Variants in PRKN observed in about 807,000 individuals in gnomAD.
PRKN encodes the protein E3 ubiquitin-protein ligase parkin.
PRKN carries 56 observed loss-of-function variants against 59.5 expected under a neutral mutation model. That is an observed-to-expected ratio of 0.94 (90% confidence interval 0.76 to 1.18). The LOEUF (loss-of-function observed/expected upper bound fraction) is 1.18, where lower values mean the gene tolerates loss of function less well. PRKN is among the 50% of genes most tolerant of loss of function. The pLI is 0.00. For missense variants in PRKN, 657 were observed against 596.4 expected (o/e 1.10, Z -1.06); for synonymous variants, 250 against 222.1 (o/e 1.13, Z -1.12).
At chr6:162,176,673 T>C (rs1007519782) in intron 4 of PRKN, among the ~76,000 whole-genome samples, 2 of 152,196 alleles carry the variant, frequency 1.3e-5, no homozygotes, top group African/African-American at 2.4e-5. Flanking sequence ...GGTGACTACA[T>C]GAAAATATTT....
intron 7 of PRKN, among the ~76,000 whole-genome samples, chr6:161,679,371 G>T (rs1785213479): frequency 6.6e-6 from 1 of 152,090 alleles, no homozygotes; most frequent in Admixed American, 6.5e-5. Context: ...GTCTGCTTCA[G>T]GCCACTGAGC....
intron 1 of PRKN, among the ~76,000 whole-genome samples, chr6:162,652,494 C>A (rs1362881556): frequency 2.0e-5 from 3 of 151,888 alleles, no homozygotes; most frequent in Admixed American, 1.3e-4. Context: ...TATTTTAAGA[C>A]CAATAGTATC....
At chr6:162,396,054 A>C (rs1787460109) in intron 2 of PRKN, among the ~76,000 whole-genome samples, 1 of 152,200 alleles carries the variant, frequency 6.6e-6, no homozygotes, top group Non-Finnish European at 1.5e-5. Flanking sequence ...AGACAAAGCG[A>C]ATCGAATCAT....
intron 7 of PRKN, among the ~76,000 whole-genome samples, chr6:161,644,941 A>G (rs1025916862): frequency 5.9e-5 from 9 of 152,260 alleles, no homozygotes; most frequent in African/African-American, 2.2e-4. Flanking sequence ...GACTGGAAGC[A>G]GAAGTAGGGG....
In PRKN at chr6:161,752,599, G is replaced by A. The variant is rs144510017; in HGVS notation, c.871+33173C>T. ...TCCCAGATACTCAGGAGGCTGAGGTGGGAGGACTGCTCAAGCCTGGAAGGT... is the reference window on the plus strand; with the variant it reads ...TCCCAGATACTCAGGAGGCTGAGGTAGGAGGACTGCTCAAGCCTGGAAGGT... On this transcript the variant is annotated intron_variant, in intron 7 of 11. Transcript: ENST00000366898. Among the ~76,000 whole-genome samples, 180 of 152,256 alleles carry A rather than the reference G, an allele frequency of 1.2e-3. 1 individual carries two copies. Among genetic ancestry groups the A allele is most frequent in the African/African-American group, 4.1e-3 (172 of 41,552 alleles).
chr6:162,091,172 T>C (rs1191233523), intron 4 of PRKN, among the ~76,000 whole-genome samples: 2 of 152,130 alleles, frequency 1.3e-5, no homozygotes, highest in African/African-American at 2.4e-5. Flanking sequence ...TTTTTTAAAG[T>C]TATGGGCAGG....
At chr6:162,522,892 A>G (rs547833516) in intron 1 of PRKN, among the ~76,000 whole-genome samples, 1 of 152,352 alleles carries the variant, frequency 6.6e-6, no homozygotes, top group South Asian at 2.1e-4. Context: ...GAGCCTTGAA[A>G]AATGTAAATG....
chr6:161,389,011 GACTT>G (rs1274822647), intron 9 of PRKN, among the ~76,000 whole-genome samples: 3 of 152,284 alleles, frequency 2.0e-5, no homozygotes, highest in Admixed American at 2.0e-4. Context: ...AATTTACAGA[GACTT>G]ACAAGTTCTC....
At chr6:161,811,151 GA>G (rs1251426369) in intron 6 of PRKN, among the ~76,000 whole-genome samples, 2 of 152,122 alleles carry the variant, frequency 1.3e-5, no homozygotes, top group East Asian at 3.8e-4. Context: ...TCTGAAAAAT[GA>G]AACAAAATCT....
chr6:161,502,954 T>C lies in PRKN; in HGVS notation c.1083+45900A>G, dbSNP rs1315264244. ...TTTAATTGTAGGAGGAGAACAGCAC[T>C]TACTTCATGCATTTGTGGCAAGGAT... On this transcript the variant is annotated intron_variant, in intron 9 of 11. Transcript: ENST00000366898. The surrounding 1 kb of genome is among the most constrained non-coding windows in gnomAD (Gnocchi z 4.0). 6.6e-6 allele frequency among the ~76,000 whole-genome samples: 1 copy of C among 152,216 alleles called. No individual in the cohort carries two copies. Among genetic ancestry groups the C allele is most frequent in the Non-Finnish European group, 1.5e-5 (1 of 68,040 alleles).
At chr6:162,493,335 T>A (rs1172730417) in intron 1 of PRKN, among the ~76,000 whole-genome samples, 1 of 152,092 alleles carries the variant, frequency 6.6e-6, no homozygotes, top group African/African-American at 2.4e-5. Flanking sequence ...TTGCTGGGTT[T>A]GTAGAGGCAA....
At chr6:162,720,991 A>G (rs1778921097) in intron 1 of PRKN, among the ~76,000 whole-genome samples, 1 of 152,244 alleles carries the variant, frequency 6.6e-6, no homozygotes, top group Admixed American at 6.5e-5. Flanking sequence ...ACACCTGTCA[A>G]TAAGAGACAT....
At chr6:161,408,403 G>GT (rs1278436251) in intron 9 of PRKN, among the ~76,000 whole-genome samples, 1 of 149,212 alleles carries the variant, frequency 6.7e-6, no homozygotes, top group Non-Finnish European at 1.5e-5. Context: ...CATGTAAAAC[G>GT]TATCTAGAAA....
chr6:162,209,107 T>C (rs1333799346), intron 3 of PRKN, among the ~76,000 whole-genome samples: 1 of 152,078 alleles, frequency 6.6e-6, no homozygotes, highest in Non-Finnish European at 1.5e-5. Flanking sequence ...TGGGATCTCA[T>C]TATACTAAAG....
rs192020416 is a variant in PRKN, at chr6:161,811,915, C to T, written c.735-26007G>A. Among the ~76,000 whole-genome samples, 760 of 151,096 alleles carry T rather than the reference C, an allele frequency of 5.0e-3. 12 individuals carry two copies. Among genetic ancestry groups the T allele is most frequent in the African/African-American group, 0.018 (730 of 41,078 alleles). ...CCAGCCTGGGTGACAGAGCAAGACT[C>T]TGTCTCAAAAATAAATAAATAAATA... On this transcript the variant is annotated intron_variant, in intron 6 of 11. Transcript: ENST00000366898.
intron 7 of PRKN, among the ~76,000 whole-genome samples, chr6:161,724,012 G>A (rs1787338423): frequency 6.6e-6 from 1 of 152,200 alleles, no homozygotes; most frequent in South Asian, 2.1e-4. Context: ...CATTGTGAGT[G>A]TGTTTTAGAA....
chr6:162,557,659 G>A (rs185724558), intron 1 of PRKN, among the ~76,000 whole-genome samples: 11 of 152,130 alleles, frequency 7.2e-5, no homozygotes, highest in Admixed American at 1.3e-4. Context: ...TCAGGCGCCC[G>A]CCATCACACC....
Position 161,423,735 on chromosome 6 carries a change from T to A in PRKN, c.1084-36858A>T, listed in dbSNP as rs1788207071. Among the ~76,000 whole-genome samples, 1 of 152,182 alleles carries A rather than the reference T, an allele frequency of 6.6e-6. No individual in the cohort carries two copies. Among genetic ancestry groups the A allele is most frequent in the Non-Finnish European group, 1.5e-5 (1 of 68,032 alleles). ...TCCCTTCCACTGCTCTTGTTCCTGG[T>A]CTCATAGGCTACACACAACCACTAT... On this transcript the variant is annotated intron_variant, in intron 9 of 11. Transcript: ENST00000366898. This position sits in a 1 kb window ranked among gnomAD's most constrained non-coding sequence, Gnocchi z 5.9.
At position 161,554,283 on chromosome 6, in the gene PRKN, T is replaced by C. The variant is rs1780147495; in HGVS notation, c.934-5280A>G. On this transcript the variant is annotated intron_variant, in intron 8 of 11. Transcript: ENST00000366898. This position sits in a 1 kb window ranked among gnomAD's most constrained non-coding sequence, Gnocchi z 4.5. ...TGAAAACTTCAAATATGTTTTCATA[T>C]GCTCTACTCATTCTCCCACAAAATT... is the stretch of plus-strand genomic sequence containing the variant. 1.3e-5 allele frequency among the ~76,000 whole-genome samples: 2 copies of C among 152,152 alleles called. No individual in the cohort carries two copies. Among genetic ancestry groups the C allele is most frequent in the South Asian group, 4.1e-4 (2 of 4,826 alleles).
Sources: gnomAD v4.1 joint callset for allele counts (sites outside exome capture counted in the v4.1 genomes callset) on GRCh38, gnomAD v4.1.1 for gene constraint, Gnocchi (gnomAD v3.1) non-coding constraint, MANE v1.5 for transcripts, NCBI Gene and HGNC (gene_info 2026-07-23, HGNC 2026-07-21) for gene names.